The following CTNND1 variants were observed in gnomAD, a reference collection of about 807,000 sequenced individuals.
The protein encoded by CTNND1 is catenin delta 1.
Under a neutral mutation model 112.1 loss-of-function variants are expected in CTNND1, and 16 were observed. That is an observed-to-expected ratio of 0.14 (90% CI 0.10 to 0.22). The LOEUF (loss-of-function observed/expected upper bound fraction) is 0.22. Ranked by LOEUF, CTNND1 falls within the 10% of genes least tolerant of loss-of-function variation. The pLI is 1.00. For synonymous variants in CTNND1, 420 were observed against 446.5 expected (o/e 0.94, Z 0.75); for missense variants, 1,008 against 1,257.0 (o/e 0.80, Z 3.00).
chr11:57,773,314 G>T (rs1377054461), intron 1 of CTNND1, among the ~76,000 whole-genome samples: 1 of 151,948 alleles, frequency 6.6e-6, no homozygotes, highest in Admixed American at 6.6e-5. Context: ...TGTGTTTTTT[G>T]TAGAGACATG....
chr11:57,789,247 T>C (rs1343036648), intron 2 of CTNND1, 92 bp downstream of exon 2: 1 of 865,668 alleles, frequency 1.2e-6, no homozygotes, highest in Non-Finnish European at 1.7e-6. Flanking sequence ...CAGAAAAAAA[T>C]CTTTTTAAAT....
At chr11:57,762,156 A>G (rs1399113816) in intron 1 of CTNND1, 37 bp downstream of exon 1, 3 of 901,414 alleles carry the variant, frequency 3.3e-6, no homozygotes, top group Non-Finnish European at 4.0e-6. Context: ...AGAGTCTGTT[A>G]TGCTGATGAG....
At chr11:57,781,620 C>T (rs2059591435) in intron 1 of CTNND1, 1 of 152,230 alleles carries the variant, frequency 6.6e-6, no homozygotes, top group African/African-American at 2.4e-5. Flanking sequence ...GGTGAGGTGT[C>T]TTTGGCAAGG....
rs764212158 is a variant in CTNND1 at position 57,809,347 on chromosome 11, G to A, written c.2316G>A (p.Glu772=). ...AGAACTCCTCTTGGAATTTCTCTGAGGACACTGTCATCTCTATTTTGAACA... is the reference window on the plus strand; with the variant it reads ...AGAACTCCTCTTGGAATTTCTCTGAAGACACTGTCATCTCTATTTTGAACA... The part of the protein sequence containing the change: ...GQQNSSWNFS[E]DTVISILNTI... The change falls in exon 15 of 21, where the codon GAG becomes GAA. Residue 772 remains glutamate, a synonymous_variant. Coordinates refer to ENST00000399050, the MANE Select transcript of CTNND1 (RefSeq NM_001085458.2). The A allele has an allele frequency of 8.9e-5, 143 of 1,614,004 alleles. No individual in the cohort carries two copies. Among genetic ancestry groups the A allele is most frequent in the South Asian group, 5.9e-4 (54 of 91,086 alleles).
At chr11:57,810,071 T>C in intron 15 of CTNND1, 38 bp from the exon 16 acceptor site, 1 of 1,517,024 alleles carries the variant, frequency 6.6e-7, no homozygotes, top group Non-Finnish European at 9.0e-7. Flanking sequence ...TTCCTGATTT[T>C]ATATCCAAAT....
chr11:57,792,086 A>T (rs762496591), intron 3 of CTNND1, among the ~76,000 whole-genome samples: 14 of 152,152 alleles, frequency 9.2e-5, no homozygotes, highest in Non-Finnish European at 1.6e-4. Flanking sequence ...AGTCTCCCTG[A>T]GGGAACAGTC....
chr11:57,797,015 A>G (rs2061413515), intron 6 of CTNND1, 23 bp downstream of exon 6: 3 of 1,436,072 alleles, frequency 2.1e-6, no homozygotes, highest in East Asian at 2.3e-5. Flanking sequence ...AGGGGAAGAG[A>G]AAAGGGTCTT....
At chr11:57,811,279 A>T in intron 16 of CTNND1, 120 bp from the exon 17 acceptor site, 1 of 716,576 alleles carries the variant, frequency 1.4e-6, no homozygotes, top group Non-Finnish European at 2.4e-6. Flanking sequence ...TTCAACTCTT[A>T]TAAGTTGCTT....
intron 1 of CTNND1, among the ~76,000 whole-genome samples, chr11:57,784,611 C>T (rs1282399035): frequency 6.6e-6 from 1 of 152,054 alleles, no homozygotes; most frequent in Non-Finnish European, 1.5e-5. Flanking sequence ...TCAAGTGATT[C>T]TCCTGCCTCA....
intron 1 of CTNND1, among the ~76,000 whole-genome samples, chr11:57,782,262 G>C (rs937325397): frequency 6.6e-6 from 1 of 152,158 alleles, no homozygotes; most frequent in Non-Finnish European, 1.5e-5. Flanking sequence ...TAAGAGGAGG[G>C]TGGTCTGCCC....
At chr11:57,803,858 A>T in intron 8 of CTNND1, 54 bp downstream of exon 8, 1 of 1,317,006 alleles carries the variant, frequency 7.6e-7, no homozygotes, top group African/African-American at 1.5e-5. Context: ...ACTGACTTAA[A>T]TTTCCTAAAA....
At chr11:57,790,527 C>G (rs1035763886) in intron 2 of CTNND1, among the ~76,000 whole-genome samples, 12 of 149,036 alleles carry the variant, frequency 8.1e-5, no homozygotes, top group African/African-American at 3.0e-4. Flanking sequence ...CGCCACCACA[C>G]CCGGCTAATT....
At chr11:57,774,687 G>A (rs1953689725) in intron 1 of CTNND1, among the ~76,000 whole-genome samples, 1 of 137,866 alleles carries the variant, frequency 7.3e-6, no homozygotes, top group South Asian at 2.5e-4. Context: ...AAGAGTCTAT[G>A]AGGGTTTATT....
At position 57,788,470 on chromosome 11, in the gene CTNND1, T is replaced by G. The variant is rs1184052251; in HGVS notation, c.-213-567T>G. ...ATCAGTTCCTTTGGGTACTCTTGCT[T>G]GCTGACTTCTGCATACACTCTAAGC... is the stretch of plus-strand genomic sequence containing the variant. On this transcript the variant is annotated intron_variant, in intron 1 of 20. Transcript: ENST00000399050. This position sits in a 1 kb window ranked among gnomAD's most constrained non-coding sequence, Gnocchi z 4.1. Among the ~76,000 whole-genome samples, 1 of 152,204 alleles carries G rather than the reference T, an allele frequency of 6.6e-6. No individual in the cohort carries two copies. The highest frequency in any genetic ancestry group is 2.4e-5 in the African/African-American group (1 of 41,454).
At position 57,817,809 on chromosome 11, in the gene CTNND1, C is replaced by G. The variant is rs567938638; in HGVS notation, c.*1501C>G. The G allele has an allele frequency of 5.9e-5, 9 of 152,612 alleles. No homozygotes were observed. In the East Asian group the frequency reaches 1.7e-3, roughly 29 times the overall value. 9.5% of individuals were successfully genotyped at this position (152,612 alleles called of 1,614,324 possible). ...AGCATATATTAATTAGCAGGTTGGG[C>G]TAGAGAAATCAGCTGCTATGCGGGT... On this transcript the variant is annotated 3_prime_UTR_variant, in exon 21 of 21. Transcript: ENST00000399050.
rs1949958948 is a variant in CTNND1, at chr11:57,762,024, A to T, written c.-309A>T. On this transcript the variant is annotated 5_prime_UTR_variant, in exon 1 of 21. Transcript: ENST00000399050. ...CTTGGGTTTCTTTCTTAAAGGACTGATTTTTAGAACTCCACATTTGAGGTG... is the reference window on the plus strand; with the variant it reads ...CTTGGGTTTCTTTCTTAAAGGACTGTTTTTTAGAACTCCACATTTGAGGTG... The T allele has an allele frequency of 1.0e-6, 1 of 985,306 alleles. No individual in the cohort carries two copies. Among genetic ancestry groups the T allele is most frequent in the Non-Finnish European group, 1.2e-6 (1 of 829,934 alleles). The allele number at this position is 985,306 out of a possible 1,614,324, so 61.0% of individuals were successfully genotyped here.
chr11:57,789,009 C>T, intron 1 of CTNND1, 28 bp from the exon 2 acceptor site: 1 of 1,465,360 alleles, frequency 6.8e-7, no homozygotes, highest in African/African-American at 1.4e-5. Flanking sequence ...TCCTCTCATT[C>T]CCATTTTTCC....
chr11:57,776,307 C>T (rs1248257064), intron 1 of CTNND1, among the ~76,000 whole-genome samples: 3 of 152,054 alleles, frequency 2.0e-5, no homozygotes, highest in Non-Finnish European at 4.4e-5. Context: ...AATTACTCTT[C>T]AGAGTGTTTG....
chr11:57,777,292 CCTT>C (rs778425104), intron 1 of CTNND1, among the ~76,000 whole-genome samples: 4 of 152,108 alleles, frequency 2.6e-5, no homozygotes, highest in South Asian at 2.1e-4. Flanking sequence ...AGGACTAAAT[CCTT>C]CTTTTTTTGG....
Sources: allele counts gnomAD v4.1 joint callset (sites outside exome capture counted in the v4.1 genomes callset), GRCh38; gene constraint gnomAD v4.1.1; non-coding constraint Gnocchi (gnomAD v3.1); transcripts MANE v1.5; gene names NCBI Gene and HGNC (gene_info 2026-07-23, HGNC 2026-07-21).